CYP24A1: variants seen among roughly 807,000 people sequenced by gnomAD.
The protein encoded by CYP24A1 is 1,25-dihydroxyvitamin D(3) 24-hydroxylase, mitochondrial.
Under a neutral mutation model 62.4 loss-of-function variants are expected in CYP24A1, and 68 were observed. That is an observed-to-expected ratio of 1.09 (90% CI 0.90 to 1.33). CYP24A1 has a LOEUF of 1.33. CYP24A1 is among the 40% of genes most tolerant of loss of function. CYP24A1 has a pLI of 0.00. For missense variants in CYP24A1, 787 were observed against 653.0 expected (o/e 1.21, Z -2.24); for synonymous variants, 267 against 253.0 (o/e 1.06, Z -0.52).
At position 54,172,944 on chromosome 20, in the gene CYP24A1, G is replaced by C; in HGVS notation, c.414C>G (p.Arg138=). Residue 138 remains arginine (R), a synonymous_variant, in exon 2 of 12, where the codon CGC becomes CGG. Coordinates refer to ENST00000216862, the MANE Select transcript of CYP24A1 (RefSeq NM_000782.5). The part of the protein sequence containing the change: ...RLEIKPWKAY[R]DYRKEGYGLL... ...GCCCGTAGCCTTCTTTGCGGTAGTC[G>C]CGATAGGCCTTCCACGGTTTGATCT... 1 of 1,613,708 alleles carries C rather than the reference G, an allele frequency of 6.2e-7. No homozygotes were observed. Among genetic ancestry groups the C allele is most frequent in the Non-Finnish European group, 8.5e-7 (1 of 1,180,028 alleles).
At chr20:54,144,841 G>T in the CYP24A1 span, among the ~76,000 whole-genome samples, 4 of 151,984 alleles carry the variant, frequency 2.6e-5, no homozygotes, top group African/African-American at 9.6e-5. Context: ...AATAGGAAAA[G>T]AAGGCAAATT....
At chr20:54,170,303 A>G (rs144441278) in intron 3 of CYP24A1, among the ~76,000 whole-genome samples, 118 of 152,298 alleles carry the variant, frequency 7.7e-4, no homozygotes, top group African/African-American at 2.7e-3. Flanking sequence ...TATGGTACCA[A>G]ACACTGTACG....
Position 54,173,488 on chromosome 20 carries a change from G to A in CYP24A1, c.92C>T (p.Thr31Met), listed in dbSNP as rs769905811. The A allele has an allele frequency of 1.9e-6, 3 of 1,565,864 alleles. No individual in the cohort carries two copies. The South Asian group carries it at 3.5e-5, about 18-fold the overall frequency. Residue 31 changes from threonine to methionine, a missense_variant, in exon 1 of 12, where the codon ACG (threonine) becomes ATG (methionine). Thr to Met is a moderately conservative substitution (Grantham distance 81, BLOSUM62 -1). Coordinates refer to ENST00000216862, the MANE Select transcript of CYP24A1 (RefSeq NM_000782.5). This position sits in a 1 kb window ranked among gnomAD's most constrained non-coding sequence, Gnocchi z 7.2. ...PRQPPRLVTS[T>M]AYTSPQPREV... ...TCGCGGCTGAGGGGACGTGTACGCC[G>A]TAGATGTCACCAGTCTCGGGGGCTG...
chr20:54,146,729 G>A, the CYP24A1 span, among the ~76,000 whole-genome samples: 2 of 152,154 alleles, frequency 1.3e-5, no homozygotes, highest in East Asian at 1.9e-4. Context: ...CAACAGATTC[G>A]GGAGGAGAAA....
intron 7 of CYP24A1, among the ~76,000 whole-genome samples, chr20:54,159,630 G>C (rs1448698037): frequency 6.6e-6 from 1 of 152,090 alleles, no homozygotes; most frequent in Non-Finnish European, 1.5e-5. Flanking sequence ...CTTGACCTCA[G>C]GTGATCTGCC....
chr20:54,146,143 G>T, the CYP24A1 span, among the ~76,000 whole-genome samples: 2 of 152,126 alleles, frequency 1.3e-5, no homozygotes, highest in Non-Finnish European at 2.9e-5. Context: ...CACACAGTCA[G>T]CCCTTAATCA....
chr20:54,169,600 G>T lies in CYP24A1; in HGVS notation c.632C>A (p.Ser211Ter), dbSNP rs2092686747. The T allele has an allele frequency of 1.2e-6, 2 of 1,614,046 alleles. No homozygotes were observed. Among genetic ancestry groups the T allele is most frequent in the Non-Finnish European group, 1.7e-6 (2 of 1,180,018 alleles). ...CTGTGACGACAACTTACTTTCAAAC[G>T]ACCATTTGTTCAGTTCGCTGTACAA... ...EDLYSELNKW[S>*]FESICLVLYE... The change falls in exon 4 of 12, where the codon TCG becomes TAG. Residue 211 changes from serine to a stop codon, truncating the protein, a stop_gained. Transcript: ENST00000216862. LOFTEE classifies it high-confidence loss of function.
In CYP24A1 at chr20:54,173,418, G is replaced by T. The variant is rs527394772; in HGVS notation, c.162C>A (p.Asn54Lys). The change falls in exon 1 of 12, where the codon AAC (asparagine) becomes AAA (lysine). Residue 54 changes from asparagine (N) to lysine (K), a missense_variant. Physicochemically the swap from Asn to Lys is moderately conservative, Grantham distance 94. Transcript: ENST00000216862. This position sits in a 1 kb window ranked among gnomAD's most constrained non-coding sequence, Gnocchi z 7.2. ...CPLTAGGETQNAAALPGPTSW... is the reference protein window; with the variant it reads ...CPLTAGGETQKAAALPGPTSW... ...TGGTGGGGCCCGGCAGGGCGGCCGC[G>T]TTCTGAGTCTCGCCACCAGCTGTCA... 1 of 1,573,946 alleles carries T rather than the reference G, an allele frequency of 6.4e-7. No homozygotes were observed. Among genetic ancestry groups the T allele is most frequent in the South Asian group, 1.2e-5 (1 of 86,366 alleles).
At position 54,162,527 on chromosome 20, in the gene CYP24A1, C is replaced by T. The variant is rs142725824; in HGVS notation, c.990+190G>A. On this transcript the variant is annotated intron_variant, in intron 7 of 11. Coordinates refer to ENST00000216862, the MANE Select transcript of CYP24A1 (RefSeq NM_000782.5). ...CCGTGGCGTCTGGTATGAGGCCGTG[C>T]GCTGAGGCACCGTGGCATAGATGCT... 4.8e-3 allele frequency: 2,896 copies of T among 603,888 alleles called. 43 individuals are homozygous for T. The highest frequency in any genetic ancestry group is 0.021 in the South Asian group (1,140 of 53,956). 37.4% of individuals were successfully genotyped at this position (603,888 alleles called of 1,614,324 possible). A position where few individuals can be genotyped will look rare whatever the true frequency, so the allele number is the denominator to read the frequency against.
rs1298682540 is a variant in CYP24A1 at position 54,165,732 on chromosome 20, G to A, written c.732+10C>T. 2 of 1,305,330 alleles carry A rather than the reference G, an allele frequency of 1.5e-6. No individual in the cohort carries two copies. The highest frequency in any genetic ancestry group is 2.4e-5 in the South Asian group (2 of 85,018). 80.9% of individuals were successfully genotyped at this position (1,305,330 alleles called of 1,614,324 possible). On this transcript the variant is annotated intron_variant, in intron 5 of 11. Coordinates refer to ENST00000216862, the MANE Select transcript of CYP24A1 (RefSeq NM_000782.5). ...ATCAAGAAAACTGCTTTCTTAAAGA[G>A]GCTGCTTACTGTTTTGATGGCCATG...
At chr20:54,145,600 A>T in the CYP24A1 span, among the ~76,000 whole-genome samples, 1 of 143,840 alleles carries the variant, frequency 7.0e-6, no homozygotes, top group African/African-American at 2.6e-5. Flanking sequence ...AGATCGTGCC[A>T]CTGCACTCCA....
At chr20:54,149,608 C>A (rs1375353178), downstream of CYP24A1, among the ~76,000 whole-genome samples, 1 of 152,118 alleles carries the variant, frequency 6.6e-6, no homozygotes, top group Admixed American at 6.5e-5. Flanking sequence ...AGGGATTCTA[C>A]AGACCAGGTA....
chr20:54,157,445 T>C lies in CYP24A1; in HGVS notation c.1377A>G (p.Lys459=). ...PFAHLPFGVG[K]RMCIGRRLAE... is the part of the protein sequence containing the mutation. ...CTAATCGGCGACCAATGCACATTCT[T>C]TTTCCAACGCCAAATGGAAGATGCG... The change falls in exon 10 of 12, where the codon AAA becomes AAG. Residue 459 remains lysine, a synonymous_variant. Coordinates refer to ENST00000216862, the MANE Select transcript of CYP24A1 (RefSeq NM_000782.5). The C allele has an allele frequency of 1.2e-6, 2 of 1,607,474 alleles. No homozygotes were observed. Among genetic ancestry groups the C allele is most frequent in the Non-Finnish European group, 1.7e-6 (2 of 1,173,896 alleles).
chr20:54,150,376 C>G (rs1203108495), downstream of CYP24A1, among the ~76,000 whole-genome samples: 2 of 151,930 alleles, frequency 1.3e-5, no homozygotes, highest in Non-Finnish European at 2.9e-5. Context: ...CTTTTTTGCC[C>G]AGGCTGAAGT....
chr20:54,169,518 G>T, intron 4 of CYP24A1, 74 bp downstream of exon 4: 1 of 1,609,054 alleles, frequency 6.2e-7, no homozygotes, highest in Non-Finnish European at 8.5e-7. Context: ...TTACAAAAGA[G>T]TTGTCAAAAG....
At chr20:54,162,638 T>G (rs1441718141) in intron 7 of CYP24A1, 79 bp downstream of exon 7, 2 of 879,108 alleles carry the variant, frequency 2.3e-6, no homozygotes, top group Non-Finnish European at 3.8e-6. Flanking sequence ...ATGAATGAGA[T>G]GAATTACTAT....
intron 4 of CYP24A1, among the ~76,000 whole-genome samples, chr20:54,168,412 C>T (rs944563363): frequency 1.3e-5 from 2 of 152,024 alleles, no homozygotes; most frequent in African/African-American, 4.8e-5. Flanking sequence ...CACCTGCCTT[C>T]TTTTTGACCT....
chr20:54,157,799 G>A (rs1042962632), intron 9 of CYP24A1, among the ~76,000 whole-genome samples: 9 of 152,146 alleles, frequency 5.9e-5, no homozygotes, highest in African/African-American at 7.2e-5. Context: ...ACCACCCTGC[G>A]CAGCAGATTC....
chr20:54,157,456 C>G lies in CYP24A1; in HGVS notation c.1366G>C (p.Gly456Arg), dbSNP rs748429181. 1.2e-5 allele frequency: 20 copies of G among 1,603,198 alleles called. No homozygotes were observed. The highest frequency in any genetic ancestry group is 1.7e-4 in the Middle Eastern group (1 of 6,048). The change falls in exon 10 of 12, where the codon GGC (glycine) becomes CGC (arginine). Residue 456 changes from glycine (G) to arginine (R), a missense_variant. Gly to Arg is a moderately radical substitution (Grantham distance 125). Coordinates refer to ENST00000216862, the MANE Select transcript of CYP24A1 (RefSeq NM_000782.5). The part of the protein sequence containing the change: ...KINPFAHLPF[G>R]VGKRMCIGRR... ...CCAATGCACATTCTTTTTCCAACGC[C>G]AAATGGAAGATGCGCAAAAGGATTA...
Sources: gnomAD v4.1 joint callset for allele counts (sites outside exome capture counted in the v4.1 genomes callset) on GRCh38, gnomAD v4.1.1 for gene constraint, Gnocchi (gnomAD v3.1) non-coding constraint, MANE v1.5 for transcripts, NCBI Gene and HGNC (gene_info 2026-07-23, HGNC 2026-07-21) for gene names.